The following WWOX variants were observed in gnomAD, a reference collection of about 807,000 sequenced individuals.
The protein encoded by WWOX is WW domain containing oxidoreductase.
A neutral mutation model predicts 46.2 loss-of-function variants in WWOX; 69 were observed. The observed-to-expected ratio is 1.49, with a 90% confidence interval of 1.23 to 1.82. The LOEUF (loss-of-function observed/expected upper bound fraction) is 1.82. Ranked by LOEUF, WWOX falls within the 40% of genes most tolerant of loss-of-function variation. The pLI, the probability that WWOX is intolerant of heterozygous loss-of-function variation, is 0.00. For missense variants in WWOX, 919 were observed against 542.6 expected (o/e 1.69, Z -6.89); for synonymous variants, 359 against 202.6 (o/e 1.77, Z -6.56).
At chr16:78,522,557 C>A (rs1227568863) in intron 8 of WWOX, among the ~76,000 whole-genome samples, 2 of 152,042 alleles carry the variant, frequency 1.3e-5, no homozygotes, top group Admixed American at 6.5e-5. Flanking sequence ...CCTGTATTAC[C>A]ATTAGAAGAC....
chr16:79,056,334 C>G (rs776297576), intron 8 of WWOX, among the ~76,000 whole-genome samples: 5 of 152,100 alleles, frequency 3.3e-5, no homozygotes, highest in Non-Finnish European at 7.4e-5. Flanking sequence ...ACAATTTGTA[C>G]ATTCTTTGAA....
intron 8 of WWOX, among the ~76,000 whole-genome samples, chr16:78,955,397 A>G (rs936119930): frequency 2.0e-5 from 3 of 152,126 alleles, no homozygotes; most frequent in African/African-American, 4.8e-5. Context: ...ACTTGAGGCA[A>G]GTGAGAGGTG....
intron 8 of WWOX, among the ~76,000 whole-genome samples, chr16:79,128,430 T>G (rs1369331402): frequency 6.6e-6 from 1 of 152,080 alleles, no homozygotes; most frequent in South Asian, 2.1e-4. Flanking sequence ...TTTAACACTT[T>G]CAGCAACCCT....
At chr16:78,575,942 T>G (rs1312161060) in intron 8 of WWOX, among the ~76,000 whole-genome samples, 1 of 151,104 alleles carries the variant, frequency 6.6e-6, no homozygotes. Flanking sequence ...AGAGATTAAA[T>G]TTTACCCTGT....
At chr16:78,238,602 A>G (rs1261247252) in intron 5 of WWOX, among the ~76,000 whole-genome samples, 5 of 151,494 alleles carry the variant, frequency 3.3e-5, no homozygotes, top group Admixed American at 6.6e-5. Flanking sequence ...TGTAATATGC[A>G]GTATATGTGC....
chr16:78,340,414 G>A (rs568564969), intron 5 of WWOX, among the ~76,000 whole-genome samples: 1 of 119,600 alleles, frequency 8.4e-6, no homozygotes, highest in South Asian at 2.5e-4. Context: ...TTACCCTGTT[G>A]GCCAGGCTGG....
chr16:78,369,045 T>C (rs1040683408), intron 5 of WWOX, among the ~76,000 whole-genome samples: 8 of 151,638 alleles, frequency 5.3e-5, no homozygotes, highest in Non-Finnish European at 1.0e-4. Flanking sequence ...TTCCTTCCTC[T>C]ATCCTTTTTC....
intron 8 of WWOX, among the ~76,000 whole-genome samples, chr16:79,083,892 T>C (rs897903846): frequency 2.6e-5 from 4 of 152,206 alleles, no homozygotes; most frequent in Non-Finnish European, 4.4e-5. Flanking sequence ...CAAACTGACA[T>C]TTCTTCATCT....
At chr16:78,904,486 C>A (rs938528569) in intron 8 of WWOX, among the ~76,000 whole-genome samples, 1 of 151,884 alleles carries the variant, frequency 6.6e-6, no homozygotes, top group Non-Finnish European at 1.5e-5. Context: ...ATCTGCCTGC[C>A]CCAGCCTCCC....
Position 78,254,502 on chromosome 16 carries a change from GTTTT to G in WWOX, c.516+90227_516+90230del, listed in dbSNP as rs59706959. ...CACTTTTCTTTTTCTTTTCTTTCTTGTTTTTTTTTTTTTTTTTGTTTGACACAGG... is the reference window on the plus strand; with the variant it reads ...CACTTTTCTTTTTCTTTTCTTTCTTGTTTTTTTTTTTTTGTTTGACACAGG... On this transcript the variant is annotated intron_variant, in intron 5 of 8. Transcript: ENST00000566780. Among the ~76,000 whole-genome samples, 24 of 91,650 alleles carry G rather than the reference GTTTT, an allele frequency of 2.6e-4. 1 individual carries two copies. Among genetic ancestry groups the G allele is most frequent in the Non-Finnish European group, 3.6e-4 (19 of 52,586 alleles). The allele number at this position is 91,650 out of a possible 152,430, so 60.1% of individuals were successfully genotyped here.
chr16:79,077,563 A>G (rs1024939210), intron 8 of WWOX: 1 of 151,950 alleles, frequency 6.6e-6, no homozygotes, highest in Admixed American at 6.5e-5. Context: ...TTACATACCG[A>G]CAGCATACAA....
intron 8 of WWOX, among the ~76,000 whole-genome samples, chr16:78,483,130 G>T (rs2738690): frequency 0.19 from 29,227 of 152,054 alleles, 3,007 homozygotes; most frequent in African/African-American, 0.26. Context: ...CTCTCGATAT[G>T]CATGAGTGTG....
At chr16:78,412,021 T>C in intron 6 of WWOX, among the ~76,000 whole-genome samples, 1 of 152,182 alleles carries the variant, frequency 6.6e-6, no homozygotes, top group African/African-American at 2.4e-5. Flanking sequence ...GTGGGGGTGA[T>C]GACTTCCCAG....
At chr16:79,019,990 C>A (rs2047498937) in intron 8 of WWOX, among the ~76,000 whole-genome samples, 1 of 152,220 alleles carries the variant, frequency 6.6e-6, no homozygotes, top group Non-Finnish European at 1.5e-5. Context: ...CTCTACTAAT[C>A]CCCACTGTGG....
chr16:78,410,669 G>A (rs971952606), intron 6 of WWOX, among the ~76,000 whole-genome samples: 2 of 151,828 alleles, frequency 1.3e-5, no homozygotes, highest in Admixed American at 1.3e-4. Context: ...AGTTGGGCAT[G>A]GTGGCACATG....
At chr16:78,395,895 T>C (rs2082274481) in intron 6 of WWOX, among the ~76,000 whole-genome samples, 1 of 152,236 alleles carries the variant, frequency 6.6e-6, no homozygotes, top group South Asian at 2.1e-4. Context: ...GACATGACTA[T>C]GTCTGTTCCT....
At chr16:79,174,868 C>G (rs1056038896) in intron 8 of WWOX, among the ~76,000 whole-genome samples, 3 of 152,104 alleles carry the variant, frequency 2.0e-5, no homozygotes, top group African/African-American at 7.2e-5. Flanking sequence ...CTTATTGAGC[C>G]TTTACTAGAT....
At chr16:78,325,656 G>C (rs2080593987) in intron 5 of WWOX, among the ~76,000 whole-genome samples, 1 of 152,232 alleles carries the variant, frequency 6.6e-6, no homozygotes, top group South Asian at 2.1e-4. Context: ...TTGGCAGCTT[G>C]ATTAATTTAT....
At chr16:78,499,844 A>ACCC (rs2085016894) in intron 8 of WWOX, among the ~76,000 whole-genome samples, 1 of 152,122 alleles carries the variant, frequency 6.6e-6, no homozygotes. Context: ...GAGACCTTGA[A>ACCC]TTTCATGCCA....
Sources: gnomAD v4.1 joint callset for allele counts (sites outside exome capture counted in the v4.1 genomes callset) on GRCh38, gnomAD v4.1.1 for gene constraint, MANE v1.5 for transcripts, NCBI Gene and HGNC (gene_info 2026-07-23, HGNC 2026-07-21) for gene names.